Variants in SMIM5 observed in about 807,000 individuals in gnomAD.
The protein encoded by SMIM5 is chromosome 17 open reading frame 109.
A neutral mutation model predicts 4.0 loss-of-function variants in SMIM5; 4 were observed. That is an observed-to-expected ratio of 1.01 (90% CI 0.50 to 2.30). SMIM5 has a LOEUF of 2.30. Among genes scored for constraint, SMIM5 ranks in the 30% most tolerant of loss-of-function variants. The pLI is 0.02. For synonymous variants in SMIM5, 46 were observed against 43.6 expected (o/e 1.05, Z -0.22); for missense variants, 107 against 99.2 (o/e 1.08, Z -0.34).
Position 75,640,057 on chromosome 17 carries a change from T to A in SMIM5, c.-36-109T>A. The A allele has an allele frequency of 1.6e-6, 2 of 1,224,754 alleles. No homozygotes were observed. The highest frequency in any genetic ancestry group is 3.2e-5 in the South Asian group (2 of 62,464). 75.9% of individuals were successfully genotyped at this position (1,224,754 alleles called of 1,614,324 possible). A position where few individuals can be genotyped will look rare whatever the true frequency, so the allele number is the denominator to read the frequency against. On this transcript the variant is annotated intron_variant, in intron 1 of 2. Coordinates refer to ENST00000375215, the MANE Select transcript of SMIM5 (RefSeq NM_001162995.3). The surrounding 1 kb of genome is among the most constrained non-coding windows in gnomAD (Gnocchi z 4.6). The stretch of plus-strand genomic sequence containing the variant: ...CACCAGGGGTGCAATGTGTGAGACC[T>A]GACAAACTTGTTCTGCGGGCTGCGG...
chr17:75,633,913 C>T lies in SMIM5; in HGVS notation c.-326C>T. ...GGAGGAGAGAGGGAGCTTGTCTTGT[C>T]CCTGAGCAGCGCTCTCAGGGCAGAG... On this transcript the variant is annotated 5_prime_UTR_variant, in exon 1 of 3. Transcript: ENST00000375215. 1 of 987,812 alleles carries T rather than the reference C, an allele frequency of 1.0e-6. No individual in the cohort carries two copies. Among genetic ancestry groups the T allele is most frequent in the Non-Finnish European group, 1.2e-6 (1 of 831,168 alleles). The allele number at this position is 987,812 out of a possible 1,614,324, so 61.2% of individuals were successfully genotyped here.
At chr17:75,638,487 A>C (rs2148280032) in intron 1 of SMIM5, 1 of 152,954 alleles carries the variant, frequency 6.5e-6, no homozygotes, top group East Asian at 1.9e-4. Context: ...ATCTCAAAGA[A>C]AACCAAAACC....
At position 75,636,950 on chromosome 17, in the gene SMIM5, C is replaced by T. The variant is rs990735328; in HGVS notation, c.-37+2748C>T. The T allele has an allele frequency of 6.6e-6, 1 of 152,216 alleles. No homozygotes were observed. The highest frequency in any genetic ancestry group is 1.5e-5 in the Non-Finnish European group (1 of 68,052). 9.4% of individuals were successfully genotyped at this position (152,216 alleles called of 1,614,324 possible). ...GTCAGCCCCCTAGGGAAGCCCTGGG[C>T]GCAAAGCTATGACACTGTCCACAGC... On this transcript the variant is annotated intron_variant, in intron 1 of 2. Coordinates refer to ENST00000375215, the MANE Select transcript of SMIM5 (RefSeq NM_001162995.3). This position sits in a 1 kb window ranked among gnomAD's most constrained non-coding sequence, Gnocchi z 5.4.
Position 75,640,256 on chromosome 17 carries a change from C to T in SMIM5, c.55C>T (p.Leu19Phe). The T allele has an allele frequency of 1.9e-6, 3 of 1,551,490 alleles. No homozygotes were observed. The highest frequency in any genetic ancestry group is 2.4e-5 in the East Asian group (1 of 40,902). The change falls in exon 2 of 3, where the codon CTC becomes TTC. Residue 19 changes from leucine (L) to phenylalanine (F), a missense_variant. Coordinates refer to ENST00000375215, the MANE Select transcript of SMIM5 (RefSeq NM_001162995.3). This position sits in a 1 kb window ranked among gnomAD's most constrained non-coding sequence, Gnocchi z 4.6. The part of the protein sequence containing the change: ...EMRAVGERLL[L>F]KLQRLPQAEP... ...GCGCGCCGTGGGCGAGAGGCTGCTG[C>T]TCAAGCTGCAGAGACTGCCCCAGGC...
chr17:75,640,728 G>T lies in SMIM5; in HGVS notation c.128-63G>T. On this transcript the variant is annotated intron_variant, in intron 2 of 2. Coordinates refer to ENST00000375215, the MANE Select transcript of SMIM5 (RefSeq NM_001162995.3). This position sits in a 1 kb window ranked among gnomAD's most constrained non-coding sequence, Gnocchi z 4.6. ...CCTGGCAGGCAGTGGGTTTCTCTGG[G>T]AGGAGGGTGGGCATCCTTTCTCTCC... 1.3e-6 allele frequency: 2 copies of T among 1,525,676 alleles called. No homozygotes were observed. The highest frequency in any genetic ancestry group is 8.8e-7 in the Non-Finnish European group (1 of 1,130,974). The allele number at this position is 1,525,676 out of a possible 1,614,324, so 94.5% of individuals were successfully genotyped here.
chr17:75,640,089 G>A lies in SMIM5; in HGVS notation c.-36-77G>A, dbSNP rs2059405782. 3 of 1,396,316 alleles carry A rather than the reference G, an allele frequency of 2.1e-6. No homozygotes were observed. Among genetic ancestry groups the A allele is most frequent in the Non-Finnish European group, 2.8e-6 (3 of 1,061,686 alleles). The allele number at this position is 1,396,316 out of a possible 1,614,324, so 86.5% of individuals were successfully genotyped here. Reference sequence around the variant, plus strand: ...CTTGTTCTGCGGGCTGCGGATGGGTGCGAGGGTGGAATCTCGGTGCTGCGA... The same window carrying A: ...CTTGTTCTGCGGGCTGCGGATGGGTACGAGGGTGGAATCTCGGTGCTGCGA... On this transcript the variant is annotated intron_variant, in intron 1 of 2. Coordinates refer to ENST00000375215, the MANE Select transcript of SMIM5 (RefSeq NM_001162995.3). This position sits in a 1 kb window ranked among gnomAD's most constrained non-coding sequence, Gnocchi z 4.6.
At position 75,634,120 on chromosome 17, in the gene SMIM5, G is replaced by A. The variant is rs185961263; in HGVS notation, c.-119G>A. On this transcript the variant is annotated 5_prime_UTR_variant, in exon 1 of 3. Transcript: ENST00000375215. ...CTGAGGCGCCCAGGGGAGCAGCGGC[G>A]CCCACGAAGGAAGTACGAGGACAGC... is the stretch of plus-strand genomic sequence containing the variant. 28,621 of 985,506 alleles carry A rather than the reference G, an allele frequency of 0.029. 477 individuals are homozygous for A. The highest frequency in any genetic ancestry group is 0.032 in the Non-Finnish European group (26,674 of 829,960). The allele number at this position is 985,506 out of a possible 1,614,324, so 61.0% of individuals were successfully genotyped here.
intron 1 of SMIM5, chr17:75,637,567 C>G (rs2059349082): frequency 6.6e-6 from 1 of 152,262 alleles, no homozygotes; most frequent in Admixed American, 6.5e-5. Flanking sequence ...TTCAGTCTGA[C>G]CAGAGGGTTC....
Position 75,640,271 on chromosome 17 carries a change from C to T in SMIM5, c.70C>T (p.Leu24=), listed in dbSNP as rs1345602244. The change falls in exon 2 of 3, where the codon CTG becomes TTG. Residue 24 remains leucine (L), a synonymous_variant. Transcript: ENST00000375215. This position sits in a 1 kb window ranked among gnomAD's most constrained non-coding sequence, Gnocchi z 4.6. ...GERLLLKLQR[L]PQAEPVEIVA... ...GAGGCTGCTGCTCAAGCTGCAGAGA[C>T]TGCCCCAGGCTGAGCCCGTGGAGAT... 2.6e-6 allele frequency: 4 copies of T among 1,551,506 alleles called. No individual in the cohort carries two copies. The highest frequency in any genetic ancestry group is 3.5e-6 in the Non-Finnish European group (4 of 1,146,906).
rs944145976 is a variant in SMIM5, at chr17:75,634,101, C to T, written c.-138C>T. On this transcript the variant is annotated 5_prime_UTR_variant, in exon 1 of 3. Transcript: ENST00000375215. Reference sequence around the variant, plus strand: ...TGTCAGCAGAGGAGCTGGGCTGAGGCGCCCAGGGGAGCAGCGGCGCCCACG... The same window carrying T: ...TGTCAGCAGAGGAGCTGGGCTGAGGTGCCCAGGGGAGCAGCGGCGCCCACG... 3.5e-5 allele frequency: 34 copies of T among 985,416 alleles called. No homozygotes were observed. The highest frequency in any genetic ancestry group is 4.0e-5 in the Non-Finnish European group (33 of 830,000). 61.0% of individuals were successfully genotyped at this position (985,416 alleles called of 1,614,324 possible).
intron 1 of SMIM5, chr17:75,639,661 GT>G: frequency 6.5e-6 from 1 of 152,894 alleles, no homozygotes; most frequent in East Asian, 1.9e-4. Flanking sequence ...GGTGGGAGAG[GT>G]TGGGGGGCCT....
In SMIM5 at chr17:75,634,120, G is replaced by GC. The variant is rs370116133; in HGVS notation, c.-116dup. ...CTGAGGCGCCCAGGGGAGCAGCGGC[G>GC]CCCACGAAGGAAGTACGAGGACAGC... On this transcript the variant is annotated 5_prime_UTR_variant, in exon 1 of 3. Coordinates refer to ENST00000375215, the MANE Select transcript of SMIM5 (RefSeq NM_001162995.3). 3 of 985,514 alleles carry GC rather than the reference G, an allele frequency of 3.0e-6. No homozygotes were observed. The highest frequency in any genetic ancestry group is 3.6e-6 in the Non-Finnish European group (3 of 829,966). 61.0% of individuals were successfully genotyped at this position (985,514 alleles called of 1,614,324 possible). A position where few individuals can be genotyped will look rare whatever the true frequency, so the allele number is the denominator to read the frequency against.
At chr17:75,634,537 G>C (rs1327240613) in intron 1 of SMIM5, among the ~76,000 whole-genome samples, 1 of 152,264 alleles carries the variant, frequency 6.6e-6, no homozygotes, top group Non-Finnish European at 1.5e-5. Flanking sequence ...TGGCTGTCCA[G>C]CTTGGGAGAG....
chr17:75,640,112 C>T lies in SMIM5; in HGVS notation c.-36-54C>T, dbSNP rs965612442. The T allele has an allele frequency of 2.8e-6, 4 of 1,436,832 alleles. No individual in the cohort carries two copies. The highest frequency in any genetic ancestry group is 3.6e-6 in the Non-Finnish European group (4 of 1,096,186). The allele number at this position is 1,436,832 out of a possible 1,614,324, so 89.0% of individuals were successfully genotyped here. A position where few individuals can be genotyped will look rare whatever the true frequency, so the allele number is the denominator to read the frequency against. Reference sequence around the variant, plus strand: ...GTGCGAGGGTGGAATCTCGGTGCTGCGACGAGTGTGGGGCCAGCCGTGGAG... The same window carrying T: ...GTGCGAGGGTGGAATCTCGGTGCTGTGACGAGTGTGGGGCCAGCCGTGGAG... On this transcript the variant is annotated intron_variant, in intron 1 of 2. Transcript: ENST00000375215. The surrounding 1 kb of genome is among the most constrained non-coding windows in gnomAD (Gnocchi z 4.6).
intron 1 of SMIM5, among the ~76,000 whole-genome samples, chr17:75,634,615 C>G (rs2059284487): frequency 1.3e-5 from 2 of 152,214 alleles, no homozygotes; most frequent in African/African-American, 4.8e-5. Context: ...GAGGTCAGCG[C>G]AGGGTCTGCC....
chr17:75,640,591 A>T lies in SMIM5; in HGVS notation c.128-200A>T, dbSNP rs944450266. On this transcript the variant is annotated intron_variant, in intron 2 of 2. Coordinates refer to ENST00000375215, the MANE Select transcript of SMIM5 (RefSeq NM_001162995.3). This position sits in a 1 kb window ranked among gnomAD's most constrained non-coding sequence, Gnocchi z 4.6. Reference sequence around the variant, plus strand: ...GGGAGCCAGGCTTGGGCAGTGAAAGAGAAGACACAACATGGAGGAGGTTGG... The same window carrying T: ...GGGAGCCAGGCTTGGGCAGTGAAAGTGAAGACACAACATGGAGGAGGTTGG... Among the ~76,000 whole-genome samples the T allele has an allele frequency of 6.6e-6, 1 of 152,088 alleles. No individual in the cohort carries two copies. The highest frequency in any genetic ancestry group is 1.5e-5 in the Non-Finnish European group (1 of 68,000).
intron 1 of SMIM5, chr17:75,639,078 G>T (rs2059382580): frequency 2.0e-5 from 3 of 152,356 alleles, no homozygotes; most frequent in Admixed American, 2.0e-4. Flanking sequence ...CAGGCCAATT[G>T]CAGGGTGGAG....
Position 75,633,544 on chromosome 17 carries a change from C to T in SMIM5, c.-695C>T. ...TCCAAGTTCTCCCCCAAGACGCCTT[C>T]AGATGCTGAGCGGCACAAGGGCCTC... On this transcript the variant is annotated 5_prime_UTR_variant, in exon 1 of 3. Coordinates refer to ENST00000375215, the MANE Select transcript of SMIM5 (RefSeq NM_001162995.3). The T allele has an allele frequency of 7.8e-7, 1 of 1,283,756 alleles. No individual in the cohort carries two copies. Among genetic ancestry groups the T allele is most frequent in the Non-Finnish European group, 1.0e-6 (1 of 985,944 alleles). 79.5% of individuals were successfully genotyped at this position (1,283,756 alleles called of 1,614,324 possible). A position where few individuals can be genotyped will look rare whatever the true frequency, so the allele number is the denominator to read the frequency against.
chr17:75,634,317 T>G (rs748709376), intron 1 of SMIM5, 115 bp downstream of exon 1: 13 of 950,976 alleles, frequency 1.4e-5, no homozygotes, highest in Non-Finnish European at 1.5e-5. Context: ...TTCGGGGACA[T>G]GCTGGGTCGC....
Sources: allele counts gnomAD v4.1 joint callset (sites outside exome capture counted in the v4.1 genomes callset), GRCh38; gene constraint gnomAD v4.1.1; non-coding constraint Gnocchi (gnomAD v3.1); transcripts MANE v1.5; gene names NCBI Gene and HGNC (gene_info 2026-07-23, HGNC 2026-07-21).